Variants in SLITRK6 observed in about 807,000 individuals in gnomAD.
SLITRK6 encodes the protein SLIT and NTRK-like protein 6.
Under a neutral mutation model 55.6 loss-of-function variants are expected in SLITRK6, and 35 were observed. The ratio of observed to expected loss-of-function variants is 0.63; its 90% confidence interval spans 0.48 to 0.83. The LOEUF (loss-of-function observed/expected upper bound fraction) is 0.83, where lower values mean the gene tolerates loss of function less well. Among genes scored for constraint, SLITRK6 ranks in the 40% least tolerant of loss-of-function variants. SLITRK6 has a pLI of 0.00. For missense variants in SLITRK6, 977 were observed against 986.4 expected, an observed-to-expected ratio of 0.99 and a Z score of 0.13; for synonymous variants, 392 against 359.6, an observed-to-expected ratio of 1.09 and a Z score of -1.02.
In SLITRK6 at chr13:85,794,363, G is replaced by T. The variant is rs1272924731; in HGVS notation, c.2146C>A (p.His716Asn). The change falls in exon 2 of 2, where the codon CAT (histidine) becomes AAT (asparagine). Residue 716 changes from histidine (H) to asparagine (N), a missense_variant. Physicochemically the swap from His to Asn is moderately conservative, Grantham distance 68. Transcript: ENST00000647374. ...TGTTCCAAAAGACTTCTTTGGAGAT[G>T]TTTTGCATCACTTCCTTCTTTCTCA... is the stretch of plus-strand genomic sequence containing the variant. ...RNEKEGSDAK[H>N]LQRSLLEQEN... is the part of the protein sequence containing the mutation. 1.9e-6 allele frequency: 3 copies of T among 1,613,128 alleles called. No individual in the cohort carries two copies. The highest frequency in any genetic ancestry group is 2.5e-6 in the Non-Finnish European group (3 of 1,179,542).
rs1172736935 is a variant in SLITRK6 at position 85,793,359 on chromosome 13, G to A, written c.*624C>T. ...TTAATCATTTTAACTTTTTAATTTAGAATGCATGAGAGTGGCATTTGTTTA... is the reference window on the plus strand; with the variant it reads ...TTAATCATTTTAACTTTTTAATTTAAAATGCATGAGAGTGGCATTTGTTTA... On this transcript the variant is annotated 3_prime_UTR_variant, in exon 2 of 2. Coordinates refer to ENST00000647374, the MANE Select transcript of SLITRK6 (RefSeq NM_032229.3). 6.6e-6 allele frequency: 1 copy of A among 152,212 alleles called. No individual in the cohort carries two copies. The highest frequency in any genetic ancestry group is 1.9e-4 in the East Asian group (1 of 5,176). The allele number at this position is 152,212 out of a possible 1,614,324, so 9.4% of individuals were successfully genotyped here.
intron 1 of SLITRK6, among the ~76,000 whole-genome samples, chr13:85,797,230 G>C (rs959120176): frequency 6.6e-6 from 1 of 150,766 alleles, no homozygotes; most frequent in African/African-American, 2.4e-5. Context: ...ATGTTATAAA[G>C]TACAGTACTA....
At position 85,793,031 on chromosome 13, in the gene SLITRK6, A is replaced by G. The variant is rs1369151906; in HGVS notation, c.*952T>C. ...ATGGCATCTATCAATGTACATCAAT[A>G]AAAATAAAATAATTTTTCCTATTTA... On this transcript the variant is annotated 3_prime_UTR_variant, in exon 2 of 2. Coordinates refer to ENST00000647374, the MANE Select transcript of SLITRK6 (RefSeq NM_032229.3). 6.6e-6 allele frequency: 1 copy of G among 152,234 alleles called. No homozygotes were observed. Among genetic ancestry groups the G allele is most frequent in the Non-Finnish European group, 1.5e-5 (1 of 67,854 alleles). 9.4% of individuals were successfully genotyped at this position (152,234 alleles called of 1,614,324 possible).
Position 85,794,416 on chromosome 13 carries a change from T to C in SLITRK6, c.2093A>G (p.Lys698Arg). 1 of 1,613,282 alleles carries C rather than the reference T, an allele frequency of 6.2e-7. No individual in the cohort carries two copies. Among genetic ancestry groups the C allele is most frequent in the Non-Finnish European group, 8.5e-7 (1 of 1,179,564 alleles). ...CCTCTCTTCTTCCTCTTCCAGATGC[T>C]TTGGACCAAAGGATGGACTTCTATA... ...HVYRSPSFGP[K>R]HLEEEEERNE... is the part of the protein sequence containing the mutation. The change falls in exon 2 of 2, where the codon AAG becomes AGG. Residue 698 changes from lysine to arginine, a missense_variant. Physicochemically the swap from Lys to Arg is conservative, Grantham distance 26. Transcript: ENST00000647374.
chr13:85,794,535 G>A lies in SLITRK6; in HGVS notation c.1974C>T (p.Tyr658=), dbSNP rs762965366. 1 of 1,613,190 alleles carries A rather than the reference G, an allele frequency of 6.2e-7. No individual in the cohort carries two copies. Among genetic ancestry groups the A allele is most frequent in the Non-Finnish European group, 8.5e-7 (1 of 1,179,544 alleles). The change falls in exon 2 of 2, where the codon TAC becomes TAT. Residue 658 remains tyrosine (Y), a synonymous_variant. Transcript: ENST00000647374. ...GAGTGGTTTTATGGCCATACATGCT[G>A]TACTGAAGATGCACAGGACTGTTGT... ...MRDNSPVHLQ[Y]SMYGHKTTHH...
Position 85,794,310 on chromosome 13 carries a change from T to C in SLITRK6, c.2199A>G (p.Ser733=), listed in dbSNP as rs1874630703. The change falls in exon 2 of 2, where the codon TCA becomes TCG. Residue 733 remains serine (S), a synonymous_variant. Transcript: ENST00000647374. ...EQENHSPLTG[S]NMKYKTTNQS... ...GGTTCGTGGTTTTGTATTTCATATT[T>C]GACCCTGTGAGTGGTGAATGATTTT... 6.2e-7 allele frequency: 1 copy of C among 1,613,186 alleles called. No individual in the cohort carries two copies. The highest frequency in any genetic ancestry group is 1.3e-5 in the African/African-American group (1 of 74,838).
rs997400823 is a variant in SLITRK6, at chr13:85,799,127, A to C, written c.-238T>G. ...GCATTTCATTGAAAATATTTCAAGCAGAGTGCATACTAGAGCATCCTGAAG... is the reference window on the plus strand; with the variant it reads ...GCATTTCATTGAAAATATTTCAAGCCGAGTGCATACTAGAGCATCCTGAAG... On this transcript the variant is annotated 5_prime_UTR_variant, in exon 1 of 2. Coordinates refer to ENST00000647374, the MANE Select transcript of SLITRK6 (RefSeq NM_032229.3). 1 of 151,930 alleles carries C rather than the reference A, an allele frequency of 6.6e-6. No individual in the cohort carries two copies. Among genetic ancestry groups the C allele is most frequent in the Non-Finnish European group, 1.5e-5 (1 of 67,968 alleles). 9.4% of individuals were successfully genotyped at this position (151,930 alleles called of 1,614,324 possible).
In SLITRK6 at chr13:85,799,226, A is replaced by T. The variant is rs970859404; in HGVS notation, c.-337T>A. On this transcript the variant is annotated 5_prime_UTR_variant, in exon 1 of 2. Coordinates refer to ENST00000647374, the MANE Select transcript of SLITRK6 (RefSeq NM_032229.3). The stretch of plus-strand genomic sequence containing the variant: ...TATGCTGACTTTTTTGCATATAGTT[A>T]ACCATTTGCAAGCTGCTGAATGCAG... 2 of 151,942 alleles carry T rather than the reference A, an allele frequency of 1.3e-5. No homozygotes were observed. Among genetic ancestry groups the T allele is most frequent in the African/African-American group, 2.4e-5 (1 of 41,410 alleles). The allele number at this position is 151,942 out of a possible 1,614,324, so 9.4% of individuals were successfully genotyped here.
At position 85,796,051 on chromosome 13, in the gene SLITRK6, G is replaced by A. The variant is rs1459608084; in HGVS notation, c.458C>T (p.Pro153Leu). ...TCTGTTGAGCTTGCTAAAGGCACTT[G>A]GTTCAATCACTGTGATAAAATTGTT... is the stretch of plus-strand genomic sequence containing the variant. ...ADNNFITVIEPSAFSKLNRLK... is the reference protein window; with the variant it reads ...ADNNFITVIELSAFSKLNRLK... Residue 153 changes from proline to leucine, a missense_variant, in exon 2 of 2, where the codon CCA becomes CTA. By Grantham distance (98) the Pro-to-Leu change is moderately conservative. Transcript: ENST00000647374. 1 of 1,613,034 alleles carries A rather than the reference G, an allele frequency of 6.2e-7. No individual in the cohort carries two copies. Among genetic ancestry groups the A allele is most frequent in the Admixed American group, 1.7e-5 (1 of 59,838 alleles).
chr13:85,795,064 A>T lies in SLITRK6; in HGVS notation c.1445T>A (p.Val482Asp), dbSNP rs772907332. 6.2e-7 allele frequency: 1 copy of T among 1,612,982 alleles called. No individual in the cohort carries two copies. The highest frequency in any genetic ancestry group is 1.7e-5 in the Admixed American group (1 of 59,810). Reference sequence around the variant, plus strand: ...TTTAAGATTTACCTTAGTTAGAGGAACCCCTGAAAAAATATGTGGTGGTAA... The same window carrying T: ...TTTAAGATTTACCTTAGTTAGAGGATCCCCTGAAAAAATATGTGGTGGTAA... Reference protein sequence around the residue: ...QVLPPHIFSGVPLTKVNLKTN... With the variant: ...QVLPPHIFSGDPLTKVNLKTN... The change falls in exon 2 of 2, where the codon GTT (valine) becomes GAT (aspartate). Residue 482 changes from valine (V) to aspartate (D), a missense_variant. By Grantham distance (152) the Val-to-Asp change is radical. Transcript: ENST00000647374.
intron 1 of SLITRK6, among the ~76,000 whole-genome samples, chr13:85,798,403 T>C (rs768430811): frequency 6.6e-6 from 1 of 152,016 alleles, no homozygotes; most frequent in Admixed American, 6.6e-5. Context: ...CAAAACGTGC[T>C]AGGAAACAGT....
At chr13:85,798,128 A>C (rs431057) in intron 1 of SLITRK6, among the ~76,000 whole-genome samples, 94,711 of 151,584 alleles carry the variant, frequency 0.62, 29,740 homozygotes, top group East Asian at 0.76. Flanking sequence ...CTCTGTGTAA[A>C]GGGAAAGTTA....
chr13:85,798,416 C>T (rs1874785302), intron 1 of SLITRK6, among the ~76,000 whole-genome samples: 1 of 151,990 alleles, frequency 6.6e-6, no homozygotes, highest in Non-Finnish European at 1.5e-5. Flanking sequence ...GAAACAGTTT[C>T]TAATCTTTTC....
intron 1 of SLITRK6, among the ~76,000 whole-genome samples, chr13:85,798,357 G>A (rs1874783378): frequency 1.3e-5 from 2 of 151,874 alleles, no homozygotes; most frequent in South Asian, 4.1e-4. Context: ...ATAAACTCTT[G>A]TTATTTTGTA....
intron 1 of SLITRK6, among the ~76,000 whole-genome samples, chr13:85,796,789 A>G (rs986417404): frequency 6.6e-6 from 1 of 151,574 alleles, no homozygotes; most frequent in African/African-American, 2.4e-5. Flanking sequence ...TTAAAATATT[A>G]TATCATAAAA....
chr13:85,794,242 T>A lies in SLITRK6; in HGVS notation c.2267A>T (p.Tyr756Phe). Residue 756 changes from tyrosine to phenylalanine, a missense_variant, in exon 2 of 2, where the codon TAC (tyrosine) becomes TTC (phenylalanine). Tyr to Phe is a conservative substitution (Grantham distance 22). Coordinates refer to ENST00000647374, the MANE Select transcript of SLITRK6 (RefSeq NM_032229.3). ...CCTTTCTTTTTCTAAAATGTTTCTG[T>A]ACAATGAGCTGGCATCTTGGAAGGA... ...FLSFQDASSL[Y>F]RNILEKEREL... 6.2e-7 allele frequency: 1 copy of A among 1,613,272 alleles called. No homozygotes were observed. The highest frequency in any genetic ancestry group is 8.5e-7 in the Non-Finnish European group (1 of 1,179,494).
In SLITRK6 at chr13:85,795,157, AG is replaced by A. The variant is rs1174578423; in HGVS notation, c.1351del (p.Leu451CysfsTer16). On this transcript the variant is annotated frameshift_variant, in exon 2 of 2. Coordinates refer to ENST00000647374, the MANE Select transcript of SLITRK6 (RefSeq NM_032229.3). LOFTEE classifies it high-confidence loss of function. ...AGGCATTGGATTAAAGGTTCCTGGC[AG>A]TATTTCCTTAATGGCATTGTATTCA... is the stretch of plus-strand genomic sequence containing the variant. ...YLEYNAIKEI[L>X]PGTFNPMPKL... 6.2e-7 allele frequency: 1 copy of A among 1,612,846 alleles called. No homozygotes were observed. The highest frequency in any genetic ancestry group is 8.5e-7 in the Non-Finnish European group (1 of 1,179,388).
Position 85,795,096 on chromosome 13 carries a change from G to A in SLITRK6, c.1413C>T (p.Leu471=). Residue 471 remains leucine, a synonymous_variant, in exon 2 of 2, where the codon CTC becomes CTT. Transcript: ENST00000647374. ...LKVLYLNNNL[L]QVLPPHIFSG... is the part of the protein sequence containing the mutation. ...AAAAAATATGTGGTGGTAAAACTTG[G>A]AGGAGGTTGTTATTTAAATACAGGA... is the stretch of plus-strand genomic sequence containing the variant. 1 of 1,613,040 alleles carries A rather than the reference G, an allele frequency of 6.2e-7. No individual in the cohort carries two copies. Among genetic ancestry groups the A allele is most frequent in the Non-Finnish European group, 8.5e-7 (1 of 1,179,394 alleles).
chr13:85,793,167 A>C lies in SLITRK6; in HGVS notation c.*816T>G, dbSNP rs1874595765. 6.6e-6 allele frequency: 1 copy of C among 152,054 alleles called. No homozygotes were observed. The highest frequency in any genetic ancestry group is 6.6e-5 in the Admixed American group (1 of 15,180). The allele number at this position is 152,054 out of a possible 1,614,324, so 9.4% of individuals were successfully genotyped here. On this transcript the variant is annotated 3_prime_UTR_variant, in exon 2 of 2. Transcript: ENST00000647374. Reference sequence around the variant, plus strand: ...AGCAAACCCAATATATTCTCTAGTCATATTTACAGCAGAATCTCAGTAGCA... The same window carrying C: ...AGCAAACCCAATATATTCTCTAGTCCTATTTACAGCAGAATCTCAGTAGCA...
Sources: allele counts gnomAD v4.1 joint callset (sites outside exome capture counted in the v4.1 genomes callset), GRCh38; gene constraint gnomAD v4.1.1; transcripts MANE v1.5; gene names NCBI Gene and HGNC (gene_info 2026-07-23, HGNC 2026-07-21).